Variants in TGFBR3 observed in about 807,000 individuals in gnomAD.
TGFBR3 encodes the protein transforming growth factor beta receptor type 3.
In TGFBR3, 46 loss-of-function variants were observed where a neutral mutation model predicts 87.9. The observed-to-expected ratio is 0.52, with a 90% CI of 0.41 to 0.67. TGFBR3 has a LOEUF of 0.67. Ranked by LOEUF, TGFBR3 falls within the 30% of genes least tolerant of loss-of-function variation. The probability of loss-of-function intolerance (pLI) is 0.00; values close to 1 mark genes in which losing one functional copy is unlikely to be tolerated. For synonymous variants in TGFBR3, 381 were observed against 391.6 expected (o/e 0.97, Z 0.32); for missense variants, 866 against 1,041.9 (o/e 0.83, Z 2.32).
intron 1 of TGFBR3, among the ~76,000 whole-genome samples, chr1:91,878,556 A>G (rs888447397): frequency 6.6e-6 from 1 of 152,208 alleles, no homozygotes; most frequent in African/African-American, 2.4e-5. Context: ...TAGACCCTCC[A>G]CCTGGCCCAT....
chr1:91,756,532 C>T (rs12133753), intron 4 of TGFBR3, among the ~76,000 whole-genome samples: 24,725 of 152,144 alleles, frequency 0.16, 2,134 homozygotes, highest in East Asian at 0.25. Context: ...CTGTAGAAGG[C>T]TATCGTGAGA....
At chr1:91,876,486 C>T (rs931541553) in intron 1 of TGFBR3, among the ~76,000 whole-genome samples, 2 of 152,198 alleles carry the variant, frequency 1.3e-5, no homozygotes, top group African/African-American at 4.8e-5. Flanking sequence ...ACCTTTCCCA[C>T]ACTAACATCC....
intron 2 of TGFBR3, among the ~76,000 whole-genome samples, chr1:91,897,373 A>C (rs1357766688): frequency 6.6e-6 from 1 of 152,222 alleles, no homozygotes; most frequent in Non-Finnish European, 1.5e-5. Flanking sequence ...ATTTGGTAAA[A>C]GGTTTTGTTA....
At chr1:91,835,722 G>T (rs1677035262) in intron 2 of TGFBR3, among the ~76,000 whole-genome samples, 1 of 151,420 alleles carries the variant, frequency 6.6e-6, no homozygotes, top group African/African-American at 2.4e-5. Flanking sequence ...CAGCTACTGG[G>T]GAGGCTGAGG....
chr1:91,697,797 A>C (rs1310302225), intron 15 of TGFBR3, among the ~76,000 whole-genome samples: 1 of 152,260 alleles, frequency 6.6e-6, no homozygotes, highest in African/African-American at 2.4e-5. Flanking sequence ...GCAAGTCATT[A>C]ACTTGTCTCT....
intron 5 of TGFBR3, among the ~76,000 whole-genome samples, chr1:91,730,907 C>T (rs1241369579): frequency 1.3e-5 from 2 of 152,208 alleles, no homozygotes; most frequent in African/African-American, 4.8e-5. Flanking sequence ...AGTTGCTCAC[C>T]ACCTCCACCC....
At chr1:91,899,272 C>T (rs767799439) in intron 2 of TGFBR3, among the ~76,000 whole-genome samples, 4 of 152,144 alleles carry the variant, frequency 2.6e-5, no homozygotes, top group African/African-American at 7.2e-5. Context: ...AACCCCTGCA[C>T]TTTGGAAAGC....
chr1:91,882,505 G>A (rs1679130512), intron 1 of TGFBR3, among the ~76,000 whole-genome samples: 2 of 151,948 alleles, frequency 1.3e-5, no homozygotes, highest in African/African-American at 2.4e-5. Context: ...AGCACTTTGG[G>A]AGGCTGAGGT....
chr1:91,857,318 C>T (rs1677994141), intron 2 of TGFBR3, among the ~76,000 whole-genome samples: 1 of 151,878 alleles, frequency 6.6e-6, no homozygotes, highest in African/African-American at 2.4e-5. Flanking sequence ...AGACCTCCTG[C>T]TACATTTCCA....
At chr1:91,847,301 G>A (rs922493251) in intron 2 of TGFBR3, among the ~76,000 whole-genome samples, 1 of 152,086 alleles carries the variant, frequency 6.6e-6, no homozygotes, top group South Asian at 2.1e-4. Flanking sequence ...AGACTGGAGT[G>A]TGATTATAAG....
At chr1:91,699,159 C>T (rs1671534037) in intron 14 of TGFBR3, among the ~76,000 whole-genome samples, 1 of 152,200 alleles carries the variant, frequency 6.6e-6, no homozygotes, top group African/African-American at 2.4e-5. Context: ...GAGTCCTTCA[C>T]CCATGGTGGG....
intron 13 of TGFBR3, among the ~76,000 whole-genome samples, chr1:91,711,714 CAATAG>C (rs1044596283): frequency 6.6e-6 from 1 of 152,100 alleles, no homozygotes; most frequent in African/African-American, 2.4e-5. Context: ...TTTGTTATGG[CAATAG>C]AACATTCAAT....
chr1:91,722,214 T>C (rs924697186), intron 7 of TGFBR3, 70 bp from the exon 8 acceptor site: 2 of 1,195,450 alleles, frequency 1.7e-6, no homozygotes, highest in East Asian at 2.6e-5. Flanking sequence ...AAAAATTAAA[T>C]ATCTTAAATA....
intron 1 of TGFBR3, among the ~76,000 whole-genome samples, chr1:91,879,742 C>T (rs907340124): frequency 1.3e-5 from 2 of 152,246 alleles, no homozygotes; most frequent in Middle Eastern, 3.4e-3. Flanking sequence ...TAAGCAAGGA[C>T]TTTGCAAGCA....
intron 1 of TGFBR3, among the ~76,000 whole-genome samples, chr1:91,865,956 TA>T (rs113009739): frequency 9.4e-5 from 14 of 149,600 alleles, no homozygotes; most frequent in African/African-American, 3.0e-4. Flanking sequence ...TTAATGGGTT[TA>T]AAAAAAAAGC....
At chr1:91,816,879 A>G (rs1676247854) in intron 2 of TGFBR3, among the ~76,000 whole-genome samples, 1 of 152,202 alleles carries the variant, frequency 6.6e-6, no homozygotes. Flanking sequence ...ACATTAAGAC[A>G]TGATTATTTT....
At chr1:91,846,045 C>T (rs1677484825) in intron 2 of TGFBR3, among the ~76,000 whole-genome samples, 1 of 152,196 alleles carries the variant, frequency 6.6e-6, no homozygotes, top group African/African-American at 2.4e-5. Context: ...CTCTCTAGGT[C>T]TGCAAGTGTC....
At chr1:91,736,150 A>T (rs1221483495) in intron 4 of TGFBR3, among the ~76,000 whole-genome samples, 2 of 152,048 alleles carry the variant, frequency 1.3e-5, no homozygotes, top group Admixed American at 1.3e-4. Context: ...CAATTAATTG[A>T]TTCCATGACC....
intron 2 of TGFBR3, among the ~76,000 whole-genome samples, chr1:91,799,339 A>AATTC (rs1402919643): frequency 3.3e-5 from 5 of 152,222 alleles, no homozygotes; most frequent in African/African-American, 1.2e-4. Flanking sequence ...TAAGGTGGTG[A>AATTC]AGGAAGATGT....
Sources: allele counts gnomAD v4.1 joint callset (sites outside exome capture counted in the v4.1 genomes callset), GRCh38; gene constraint gnomAD v4.1.1; transcripts MANE v1.5; gene names NCBI Gene and HGNC (gene_info 2026-07-23, HGNC 2026-07-21).